WWC2: variants seen among roughly 807,000 people sequenced by gnomAD.
WWC2 encodes the protein protein WWC2.
Under a neutral mutation model 138.5 loss-of-function variants are expected in WWC2, and 101 were observed. That is an observed-to-expected ratio of 0.73 (90% confidence interval 0.62 to 0.86). WWC2 has a LOEUF of 0.86. WWC2 is among the 40% of genes least tolerant of loss of function. The pLI, the probability that WWC2 is intolerant of heterozygous loss-of-function variation, is 0.00. For synonymous variants in WWC2, 558 were observed against 538.4 expected (o/e 1.04, Z -0.50); for missense variants, 1,420 against 1,419.4 (o/e 1.00, Z -0.01).
In WWC2 at chr4:183,268,988, T is replaced by G; in HGVS notation, c.2225T>G (p.Val742Gly). 1.2e-6 allele frequency: 2 copies of G among 1,612,528 alleles called. No homozygotes were observed. The highest frequency in any genetic ancestry group is 1.7e-6 in the Non-Finnish European group (2 of 1,179,552). The change falls in exon 15 of 23, where the codon GTT becomes GGT. Residue 742 changes from valine (V) to glycine (G), a missense_variant. Physicochemically the swap from Val to Gly is moderately radical, Grantham distance 109. Coordinates refer to ENST00000403733, the MANE Select transcript of WWC2 (RefSeq NM_024949.6). ...HTSKVYFRVA[V>G]LPSSTDVSCL... ...CTTTGCAGATATTTTAGGGTTGCCG[T>G]TCTTCCTTCCTCAACTGATGTCAGC...
chr4:183,314,953 A>G (rs1739386995), intron 22 of WWC2, among the ~76,000 whole-genome samples: 1 of 152,188 alleles, frequency 6.6e-6, no homozygotes, highest in Non-Finnish European at 1.5e-5. Flanking sequence ...GTTCTTTCGC[A>G]AGGGAGAACC....
chr4:183,230,724 C>T (rs372932646), intron 4 of WWC2, among the ~76,000 whole-genome samples: 1 of 151,102 alleles, frequency 6.6e-6, no homozygotes, highest in African/African-American at 2.4e-5. Context: ...TAGAAAGGAT[C>T]AACAAAAGCA....
intron 14 of WWC2, among the ~76,000 whole-genome samples, chr4:183,268,663 T>C (rs891909079): frequency 6.6e-6 from 1 of 152,158 alleles, no homozygotes; most frequent in Non-Finnish European, 1.5e-5. Context: ...ATGGGGCAGG[T>C]GGGACGTTAA....
At chr4:183,305,463 A>G (rs1738995352) in intron 21 of WWC2, among the ~76,000 whole-genome samples, 1 of 152,158 alleles carries the variant, frequency 6.6e-6, no homozygotes, top group African/African-American at 2.4e-5. Flanking sequence ...ACACCTAAGC[A>G]TATCCAAACT....
At chr4:183,221,905 C>T (rs1344429710) in intron 4 of WWC2, among the ~76,000 whole-genome samples, 1 of 152,058 alleles carries the variant, frequency 6.6e-6, no homozygotes, top group Non-Finnish European at 1.5e-5. Flanking sequence ...CAGGTATTTA[C>T]CCAATATAAA....
intron 7 of WWC2, 121 bp downstream of exon 7, chr4:183,248,981 T>C (rs918749376): frequency 9.9e-7 from 1 of 1,013,274 alleles, no homozygotes; most frequent in African/African-American, 1.6e-5. Context: ...GTGCATTCAG[T>C]GTTCCATTTT....
intron 4 of WWC2, among the ~76,000 whole-genome samples, chr4:183,217,229 T>G (rs1318929761): frequency 6.6e-6 from 1 of 152,112 alleles, no homozygotes. Flanking sequence ...TCAGAATTTT[T>G]CATGTGTATT....
At chr4:183,172,121 T>C (rs1025634833) in intron 1 of WWC2, among the ~76,000 whole-genome samples, 1 of 152,218 alleles carries the variant, frequency 6.6e-6, no homozygotes, top group Non-Finnish European at 1.5e-5. Context: ...TAAATCTCCT[T>C]TCAGTACATT....
At chr4:183,205,893 C>A (rs1254057899) in intron 2 of WWC2, among the ~76,000 whole-genome samples, 4 of 152,186 alleles carry the variant, frequency 2.6e-5, no homozygotes, top group Admixed American at 2.6e-4. Flanking sequence ...TTTGCCTGGC[C>A]TTGTGCATTT....
chr4:183,190,713 A>C (rs1479985909), intron 1 of WWC2, among the ~76,000 whole-genome samples: 1 of 152,162 alleles, frequency 6.6e-6, no homozygotes, highest in African/African-American at 2.4e-5. Flanking sequence ...TCACAAGTAC[A>C]TGTATACCTG....
chr4:183,172,949 T>C (rs1171029897), intron 1 of WWC2, among the ~76,000 whole-genome samples: 1 of 152,108 alleles, frequency 6.6e-6, no homozygotes, highest in Non-Finnish European at 1.5e-5. Flanking sequence ...ATAGATGGTT[T>C]CTGCCATCAT....
intron 1 of WWC2, among the ~76,000 whole-genome samples, chr4:183,138,829 G>C (rs1733203818): frequency 6.6e-6 from 1 of 152,132 alleles, no homozygotes; most frequent in Non-Finnish European, 1.5e-5. Flanking sequence ...TCTTAAGCAG[G>C]ATTGTTGGTC....
At chr4:183,221,473 C>T (rs560698180) in intron 4 of WWC2, among the ~76,000 whole-genome samples, 15 of 152,222 alleles carry the variant, frequency 9.9e-5, no homozygotes, top group African/African-American at 2.2e-4. Flanking sequence ...GAAGTGCACA[C>T]GGAACATCAC....
chr4:183,293,031 C>T (rs2871356), intron 21 of WWC2, among the ~76,000 whole-genome samples: 49,046 of 152,156 alleles, frequency 0.32, 8,398 homozygotes, highest in South Asian at 0.42. Context: ...TCTCGGCTCA[C>T]TGCAGCCTCT....
intron 1 of WWC2, among the ~76,000 whole-genome samples, chr4:183,132,773 G>A (rs1732968375): frequency 6.6e-6 from 1 of 151,700 alleles, no homozygotes; most frequent in African/African-American, 2.4e-5. Flanking sequence ...TTCTTTTGAG[G>A]TAATCAAATG....
Position 183,228,630 on chromosome 4 carries a change from G to GT in WWC2, c.523-11550dup, listed in dbSNP as rs1736143310. ...TCATTTAAAAAATAACAACAAAGCTGTTTCCCACCTTTCAGAAAAGCTAAA... is the reference window on the plus strand; with the variant it reads ...TCATTTAAAAAATAACAACAAAGCTGTTTTCCCACCTTTCAGAAAAGCTAAA... On this transcript the variant is annotated intron_variant, in intron 4 of 22. Coordinates refer to ENST00000403733, the MANE Select transcript of WWC2 (RefSeq NM_024949.6). Among the ~76,000 whole-genome samples, 4 of 152,106 alleles carry GT rather than the reference G, an allele frequency of 2.6e-5. No homozygotes were observed. In the South Asian group the frequency reaches 8.3e-4, roughly 31 times the overall value.
At chr4:183,208,811 G>C in intron 3 of WWC2, 138 bp from the exon 4 acceptor site, 1 of 607,194 alleles carries the variant, frequency 1.6e-6, no homozygotes, top group South Asian at 2.1e-5. Flanking sequence ...TTAGGTGTCT[G>C]ATCAATGGCA....
chr4:183,135,282 A>G (rs1309957964), intron 1 of WWC2, among the ~76,000 whole-genome samples: 2 of 151,878 alleles, frequency 1.3e-5, no homozygotes, highest in East Asian at 3.8e-4. Flanking sequence ...GTGTTCATAT[A>G]TGTTTCTACT....
intron 1 of WWC2, among the ~76,000 whole-genome samples, chr4:183,156,914 A>G (rs902007915): frequency 6.6e-6 from 1 of 152,084 alleles, no homozygotes; most frequent in African/African-American, 2.4e-5. Flanking sequence ...CCCTTTATAC[A>G]CACACATACA....
Sources: gnomAD v4.1 joint callset for allele counts (sites outside exome capture counted in the v4.1 genomes callset) on GRCh38, gnomAD v4.1.1 for gene constraint, MANE v1.5 for transcripts, NCBI Gene and HGNC (gene_info 2026-07-23, HGNC 2026-07-21) for gene names.